Variants in C4orf51 observed in about 807,000 individuals in gnomAD.
C4orf51 encodes the protein chromosome 4 open reading frame 51.
C4orf51 carries 25 observed loss-of-function variants against 25.2 expected under a neutral mutation model. The observed-to-expected ratio is 0.99, with a 90% CI of 0.72 to 1.39. C4orf51 has a LOEUF of 1.39. Ranked by LOEUF, C4orf51 falls within the 40% of genes most tolerant of loss-of-function variation. The pLI is 0.00. For missense variants in C4orf51, 252 were observed against 239.6 expected (o/e 1.05, Z -0.34); for synonymous variants, 100 against 84.5 (o/e 1.18, Z -1.01).
chr4:145,738,664 G>A (rs1474769727), intron 1 of C4orf51, among the ~76,000 whole-genome samples: 1 of 151,808 alleles, frequency 6.6e-6, no homozygotes, highest in Admixed American at 6.6e-5. Context: ...TTTTGAGATA[G>A]GGTCTTGCTC....
At chr4:145,686,124 G>T (rs1205956550) in intron 1 of C4orf51, among the ~76,000 whole-genome samples, 1 of 152,160 alleles carries the variant, frequency 6.6e-6, no homozygotes, top group Non-Finnish European at 1.5e-5. Context: ...CAACATGGAT[G>T]CACCTTGAAA....
At chr4:145,717,093 G>GT (rs371951590) in intron 2 of C4orf51, among the ~76,000 whole-genome samples, 30 of 152,028 alleles carry the variant, frequency 2.0e-4, no homozygotes, top group African/African-American at 7.2e-4. Flanking sequence ...CATTCATATT[G>GT]TTTTTTGTGC....
At chr4:145,771,276 T>C (rs1332673076), downstream of C4orf51, among the ~76,000 whole-genome samples, 4 of 152,244 alleles carry the variant, frequency 2.6e-5, no homozygotes, top group African/African-American at 9.6e-5. Flanking sequence ...GATCTCTCGA[T>C]TGTTTTCATT....
At chr4:145,783,930 G>C in the C4orf51 span, among the ~76,000 whole-genome samples, 27 of 152,228 alleles carry the variant, frequency 1.8e-4, no homozygotes, top group African/African-American at 5.1e-4. Flanking sequence ...GGATCATGGG[G>C]GTGGAGTTCT....
chr4:145,761,607 G>A lies in C4orf51; in HGVS notation n.167-9381G>A. Reference sequence around the variant, plus strand: ...AAATGCAGAATGGGCACCTGCCGGGGAAAGCAACGCAAGGGAGGTTCAGCC... The same window carrying A: ...AAATGCAGAATGGGCACCTGCCGGGAAAAGCAACGCAAGGGAGGTTCAGCC... On this transcript the variant is annotated intron_variant and non_coding_transcript_variant, in intron 1 of 1. Coordinates refer to the C4orf51 transcript ENST00000510096. The surrounding 1 kb of genome is among the most constrained non-coding windows in gnomAD (Gnocchi z 6.8). 8.0e-7 allele frequency: 1 copy of A among 1,244,792 alleles called. No homozygotes were observed. Among genetic ancestry groups the A allele is most frequent in the Non-Finnish European group, 1.0e-6 (1 of 960,492 alleles). 77.1% of individuals were successfully genotyped at this position (1,244,792 alleles called of 1,614,324 possible).
chr4:145,702,662 T>A (rs1412063372), intron 2 of C4orf51, among the ~76,000 whole-genome samples: 1 of 152,192 alleles, frequency 6.6e-6, no homozygotes, highest in African/African-American at 2.4e-5. Flanking sequence ...AGTAAATAAA[T>A]AATCTTTGCT....
chr4:145,725,245 C>T (rs924691869), intron 2 of C4orf51, among the ~76,000 whole-genome samples: 2 of 152,072 alleles, frequency 1.3e-5, no homozygotes, highest in African/African-American at 2.4e-5. Context: ...TGAGTTACTA[C>T]TTCACATCCA....
chr4:145,752,873 G>C (rs1321972482), intron 1 of C4orf51, among the ~76,000 whole-genome samples: 2 of 151,846 alleles, frequency 1.3e-5, no homozygotes, highest in African/African-American at 4.9e-5. Flanking sequence ...GCCAGCATGA[G>C]TGGGCATCTG....
At chr4:145,688,025 G>A (rs556603026) in intron 1 of C4orf51, among the ~76,000 whole-genome samples, 2 of 150,042 alleles carry the variant, frequency 1.3e-5, no homozygotes, top group Non-Finnish European at 3.0e-5. Context: ...GCAACATAGT[G>A]AGACTTCATC....
intron 2 of C4orf51, among the ~76,000 whole-genome samples, chr4:145,701,233 A>G (rs1421466394): frequency 8.6e-6 from 1 of 116,726 alleles, no homozygotes; most frequent in African/African-American, 3.8e-5. Flanking sequence ...GGTGTACAAT[A>G]ATAAAAAAAA....
At chr4:145,789,810 G>T in the C4orf51 span, among the ~76,000 whole-genome samples, 3 of 152,120 alleles carry the variant, frequency 2.0e-5, no homozygotes, top group Non-Finnish European at 4.4e-5. Context: ...TAAAGAAGAA[G>T]CATCCATGAT....
At chr4:145,729,297 ATTTTTTT>A (rs547075220) in intron 4 of C4orf51, 68 bp downstream of exon 4, 32 of 292,900 alleles carry the variant, frequency 1.1e-4, no homozygotes, top group East Asian at 1.7e-4. Flanking sequence ...TGGTCATGTG[ATTTTTTT>A]TTTTTTTTTT....
At chr4:145,768,890 A>AATATAT (rs1553975846) in intron 1 of C4orf51, among the ~76,000 whole-genome samples, 1 of 7,726 alleles carries the variant, frequency 1.3e-4, no homozygotes, top group Non-Finnish European at 3.2e-4. Context: ...AAAAAAAAAA[A>AATATAT]ATATATATAT....
chr4:145,723,095 A>T (rs1731832894), intron 2 of C4orf51, among the ~76,000 whole-genome samples: 1 of 152,094 alleles, frequency 6.6e-6, no homozygotes, highest in South Asian at 2.1e-4. Context: ...TCATCCTGAA[A>T]CCATCACCCC....
downstream of C4orf51, among the ~76,000 whole-genome samples, chr4:145,772,938 C>A (rs1371544541): frequency 6.6e-6 from 1 of 152,138 alleles, no homozygotes; most frequent in Non-Finnish European, 1.5e-5. Flanking sequence ...CCACTCACGA[C>A]AATTAAATGA....
chr4:145,725,569 A>G (rs1031734702), intron 2 of C4orf51, among the ~76,000 whole-genome samples: 1 of 151,276 alleles, frequency 6.6e-6, no homozygotes, highest in Non-Finnish European at 1.5e-5. Context: ...AAAATCTAGT[A>G]TATTCGTACA....
chr4:145,758,184 CAGAA>C (rs1430916925), downstream of C4orf51: 1 of 152,020 alleles, frequency 6.6e-6, no homozygotes, highest in Non-Finnish European at 1.5e-5. Flanking sequence ...TATAATTTAC[CAGAA>C]AGATTGATGA....
chr4:145,735,755 G>C (rs1579013023), downstream of C4orf51, among the ~76,000 whole-genome samples: 6 of 152,198 alleles, frequency 3.9e-5, 1 homozygote, highest in Admixed American at 3.9e-4. Context: ...GAAAAGCTAT[G>C]GTGACTATTC....
chr4:145,693,844 A>ACC (rs1435778384), intron 1 of C4orf51, among the ~76,000 whole-genome samples: 3 of 43,444 alleles, frequency 6.9e-5, no homozygotes, highest in African/African-American at 2.4e-4. Flanking sequence ...GGGGGGGCTG[A>ACC]CCCCCCCCAC....
Sources: gnomAD v4.1 joint callset for allele counts (sites outside exome capture counted in the v4.1 genomes callset) on GRCh38, gnomAD v4.1.1 for gene constraint, Gnocchi (gnomAD v3.1) non-coding constraint, MANE v1.5 for transcripts, NCBI Gene and HGNC (gene_info 2026-07-23, HGNC 2026-07-21) for gene names.